Variants in APTX observed in about 807,000 individuals in gnomAD.
APTX encodes the protein aprataxin, also known as forkhead-associated domain histidine triad-like protein.
A neutral mutation model predicts 42.3 loss-of-function variants in APTX; 33 were observed. That is an observed-to-expected ratio of 0.78 (90% CI 0.59 to 1.04). The LOEUF is 1.04. Ranked by LOEUF, APTX falls within the 50% of genes least tolerant of loss-of-function variation. The pLI is 0.00. For synonymous variants in APTX, 130 were observed against 146.7 expected (o/e 0.89, Z 0.82); for missense variants, 421 against 415.1 (o/e 1.01, Z -0.12).
chr9:33,012,973 C>A (rs1287446802), intron 1 of APTX, among the ~76,000 whole-genome samples: 1 of 152,138 alleles, frequency 6.6e-6, no homozygotes, highest in African/African-American at 2.4e-5. Flanking sequence ...CCCACTCATT[C>A]GTAAGCTCCA....
rs563055303 is a variant in APTX at position 32,973,188 on chromosome 9, C to T, written c.*310G>A. On this transcript the variant is annotated 3_prime_UTR_variant, in exon 8 of 8. Transcript: ENST00000379817. ...ATAACCAGCCCAATGCTTCCATACT[C>T]TGCATTAGGTCAGTGTGAACATGGC... 1 of 508,350 alleles carries T rather than the reference C, an allele frequency of 2.0e-6. No individual in the cohort carries two copies. The highest frequency in any genetic ancestry group is 5.3e-5 in the East Asian group (1 of 18,958). 31.5% of individuals were successfully genotyped at this position (508,350 alleles called of 1,614,324 possible).
At chr9:32,998,233 A>AT (rs1191915053) in intron 1 of APTX, among the ~76,000 whole-genome samples, 3 of 152,194 alleles carry the variant, frequency 2.0e-5, no homozygotes, top group South Asian at 2.1e-4. Flanking sequence ...GACAATTTCA[A>AT]TTTGGGGGCA....
rs1430755757 is a variant in APTX at position 32,993,864 on chromosome 9, G to A, written c.-4-3969C>T. Among the ~76,000 whole-genome samples the A allele has an allele frequency of 2.6e-5, 4 of 152,064 alleles. No individual in the cohort carries two copies. The East Asian group carries it at 7.7e-4, about 29-fold the overall frequency. ...CTCCTGAGCAGCTGGGATTACAGGG[G>A]TGCATTACCACACCTGACTACTTTT... On this transcript the variant is annotated intron_variant, in intron 1 of 7. Transcript: ENST00000379817.
upstream of APTX, among the ~76,000 whole-genome samples, chr9:33,003,125 T>C (rs1836826977): frequency 6.6e-6 from 1 of 152,152 alleles, no homozygotes; most frequent in African/African-American, 2.4e-5. Flanking sequence ...CGGTTAAGGG[T>C]GCTTCTTTGA....
At chr9:33,004,449 T>G (rs143087722), upstream of APTX, among the ~76,000 whole-genome samples, 1,232 of 152,318 alleles carry the variant, frequency 8.1e-3, 19 homozygotes, top group Non-Finnish European at 8.3e-3. Flanking sequence ...GAAACAATTT[T>G]TAAAAATTCT....
At chr9:33,000,121 G>C (rs949986304) in intron 1 of APTX, among the ~76,000 whole-genome samples, 1 of 152,154 alleles carries the variant, frequency 6.6e-6, no homozygotes, top group South Asian at 2.1e-4. Context: ...TGTGTGACTT[G>C]AGGCAAGTTA....
chr9:33,023,155 C>T (rs531511222), intron 1 of APTX, among the ~76,000 whole-genome samples: 26 of 151,240 alleles, frequency 1.7e-4, no homozygotes, highest in South Asian at 1.7e-3. Flanking sequence ...GCATTTAACA[C>T]TCAACTGTTT....
At chr9:32,979,147 A>G (rs1261485586) in intron 6 of APTX, among the ~76,000 whole-genome samples, 1 of 152,110 alleles carries the variant, frequency 6.6e-6, no homozygotes, top group African/African-American at 2.4e-5. Flanking sequence ...CCAGGTAATA[A>G]GCATAGTACC....
At chr9:32,997,315 CA>C (rs1208559359) in intron 1 of APTX, 1 of 151,544 alleles carries the variant, frequency 6.6e-6, no homozygotes, top group African/African-American at 2.4e-5. Flanking sequence ...CCAGCTTGGG[CA>C]ACACAGCAAC....
At chr9:33,019,355 TAAAA>T (rs1014487302) in intron 1 of APTX, among the ~76,000 whole-genome samples, 6 of 152,030 alleles carry the variant, frequency 3.9e-5, no homozygotes, top group Non-Finnish European at 8.8e-5. Flanking sequence ...AATAAATAAA[TAAAA>T]GTCTGGCCCC....
At chr9:32,989,919 A>G (rs757038119) in intron 1 of APTX, 24 bp from the exon 2 acceptor site, 3 of 1,609,500 alleles carry the variant, frequency 1.9e-6, no homozygotes, top group Non-Finnish European at 2.5e-6. Context: ...CAAAAGAATC[A>G]CTAGAAAAAC....
intron 1 of APTX, chr9:33,024,989 C>T (rs1252691255): frequency 6.6e-6 from 1 of 152,506 alleles, no homozygotes; most frequent in African/African-American, 2.4e-5. Flanking sequence ...TTTGGGAACC[C>T]TAGGACTTGC....
At chr9:32,996,564 C>T (rs1441972946) in intron 1 of APTX, among the ~76,000 whole-genome samples, 2 of 152,162 alleles carry the variant, frequency 1.3e-5, no homozygotes, top group Non-Finnish European at 2.9e-5. Flanking sequence ...GGAGCCACAC[C>T]TGGCCTAAGT....
chr9:33,004,928 C>A (rs1163295531), upstream of APTX, among the ~76,000 whole-genome samples: 2 of 152,064 alleles, frequency 1.3e-5, no homozygotes, highest in East Asian at 3.9e-4. Flanking sequence ...GTGTGAGCCA[C>A]TGCGCCCGGC....
At chr9:33,007,935 T>C (rs942702058) in intron 1 of APTX, among the ~76,000 whole-genome samples, 1 of 152,038 alleles carries the variant, frequency 6.6e-6, no homozygotes, top group Non-Finnish European at 1.5e-5. Flanking sequence ...CCCATCCCTG[T>C]CTCACTTCTT....
intron 1 of APTX, among the ~76,000 whole-genome samples, chr9:32,994,209 AC>A (rs1482294312): frequency 6.6e-6 from 1 of 152,220 alleles, no homozygotes; most frequent in East Asian, 1.9e-4. Flanking sequence ...TAAATTACCC[AC>A]CACGTGACAA....
chr9:32,999,941 C>CAGAG (rs200753415), intron 1 of APTX, among the ~76,000 whole-genome samples: 10,716 of 152,224 alleles, frequency 0.07, 506 homozygotes, highest in Non-Finnish European at 0.11. Context: ...GCCTGGGCGA[C>CAGAG]AGAGACTCCG....
Position 33,001,258 on chromosome 9 carries a change from C to CA in APTX, c.-5+308_-5+309insT, listed in dbSNP as rs1165126773. On this transcript the variant is annotated intron_variant, in intron 1 of 7. Transcript: ENST00000379817. ...CGGAAACGCTGCCCTTCCCGACAAG[C>CA]TGGGCCGCCTCCTTGGTTGGACAGG... 2.9e-6 allele frequency: 4 copies of CA among 1,397,808 alleles called. No homozygotes were observed. In the African/African-American group the frequency reaches 5.8e-5, roughly 20 times the overall value. The allele number at this position is 1,397,808 out of a possible 1,614,324, so 86.6% of individuals were successfully genotyped here.
rs969093863 is a variant in APTX, at chr9:32,992,349, T to C, written c.-4-2454A>G. 7.9e-5 allele frequency among the ~76,000 whole-genome samples: 12 copies of C among 152,304 alleles called. No individual in the cohort carries two copies. The South Asian group carries it at 8.3e-4, about 11-fold the overall frequency. ...AGATGCAAATTCAAATGAATAAGAT[T>C]AGTGCGAGTATATGAGTACTAAGGA... On this transcript the variant is annotated intron_variant, in intron 1 of 7. Coordinates refer to ENST00000379817, the MANE Select transcript of APTX (RefSeq NM_001195248.2).
Sources: gnomAD v4.1 joint callset for allele counts (sites outside exome capture counted in the v4.1 genomes callset) on GRCh38, gnomAD v4.1.1 for gene constraint, MANE v1.5 for transcripts, NCBI Gene and HGNC (gene_info 2026-07-23, HGNC 2026-07-21) for gene names.